The following COL19A1 variants were observed in gnomAD, a reference collection of about 807,000 sequenced individuals.
COL19A1 encodes collagen type XIX alpha 1 chain, also known as collagen alpha-1(XIX) chain.
COL19A1 carries 159 observed loss-of-function variants against 190.2 expected under a neutral mutation model. That is an observed-to-expected ratio of 0.84 (90% CI 0.73 to 0.95). The LOEUF is 0.95. Among genes scored for constraint, COL19A1 ranks in the 40% least tolerant of loss-of-function variants. The pLI is 0.00. For missense variants in COL19A1, 1,418 were observed against 1,431.9 expected (o/e 0.99, Z 0.16); for synonymous variants, 509 against 458.9 (o/e 1.11, Z -1.39).
At chr6:70,156,447 A>T in intron 33 of COL19A1, 78 bp downstream of exon 33, 3 of 1,327,896 alleles carry the variant, frequency 2.3e-6, no homozygotes, top group Non-Finnish European at 3.2e-6. Context: ...TTGAAAATAG[A>T]CAACTTTTAA....
intron 1 of COL19A1, among the ~76,000 whole-genome samples, chr6:69,868,012 A>G (rs1767583868): frequency 6.6e-6 from 1 of 151,532 alleles, no homozygotes; most frequent in South Asian, 2.1e-4. Context: ...AAGTCTGAGG[A>G]GGATTAAGAT....
At chr6:70,102,779 A>C (rs1783716765) in intron 16 of COL19A1, among the ~76,000 whole-genome samples, 1 of 152,040 alleles carries the variant, frequency 6.6e-6, no homozygotes, top group African/African-American at 2.4e-5. Flanking sequence ...AGCCTATGAG[A>C]GTCTGGTTTG....
intron 18 of COL19A1, among the ~76,000 whole-genome samples, chr6:70,132,246 A>G (rs1382408136): frequency 1.3e-5 from 2 of 152,104 alleles, no homozygotes; most frequent in Non-Finnish European, 2.9e-5. Context: ...AAAATTAAAA[A>G]TATTAGCTGG....
intron 4 of COL19A1, among the ~76,000 whole-genome samples, chr6:69,917,822 A>G (rs1771409755): frequency 6.6e-6 from 1 of 151,376 alleles, no homozygotes; most frequent in Non-Finnish European, 1.5e-5. Context: ...ATAGCTGATG[A>G]GCTAAAAAAA....
At chr6:70,127,673 G>GGCA (rs1293765449) in intron 17 of COL19A1, among the ~76,000 whole-genome samples, 14 of 152,294 alleles carry the variant, frequency 9.2e-5, no homozygotes, top group African/African-American at 3.1e-4. Flanking sequence ...GAAGGTGAAA[G>GGCA]GCACGTCTAA....
chr6:69,921,388 T>TATATATCATATATCATATATATC lies in COL19A1; in HGVS notation c.267-6507_267-6485dup, dbSNP rs1231553665. Among the ~76,000 whole-genome samples the TATATATCATATATCATATATATC allele has an allele frequency of 5.1e-4, 58 of 112,668 alleles. 4 individuals are homozygous for TATATATCATATATCATATATATC. In the South Asian group the frequency reaches 0.016, roughly 30 times the overall value. 73.9% of individuals were successfully genotyped at this position (112,668 alleles called of 152,430 possible). Reference sequence around the variant, plus strand: ...TATATCATATATATCATATATATCATATATATCATATATCATATATATCAT... The same window carrying TATATATCATATATCATATATATC: ...TATATCATATATATCATATATATCATATATATCATATATCATATATATCATATATCATATATCATATATATCAT... On this transcript the variant is annotated intron_variant, in intron 4 of 50. Coordinates refer to ENST00000620364, the MANE Select transcript of COL19A1 (RefSeq NM_001858.6).
At position 70,185,461 on chromosome 6, in the gene COL19A1, A is replaced by G. The variant is rs1279765057; in HGVS notation, c.2856+546A>G. On this transcript the variant is annotated intron_variant, in intron 46 of 50. Coordinates refer to ENST00000620364, the MANE Select transcript of COL19A1 (RefSeq NM_001858.6). ...GAACTACTGACATGCAGAAAAACTA[A>G]GTAGAGTAAAGAAGGTGGTGTGAGG... Among the ~76,000 whole-genome samples, 6 of 152,208 alleles carry G rather than the reference A, an allele frequency of 3.9e-5. 1 individual carries two copies. Among genetic ancestry groups the G allele is most frequent in the Admixed American group, 3.9e-4 (6 of 15,288 alleles).
intron 14 of COL19A1, among the ~76,000 whole-genome samples, chr6:70,042,459 T>A (rs1009015325): frequency 5.3e-5 from 8 of 152,236 alleles, no homozygotes; most frequent in African/African-American, 1.9e-4. Flanking sequence ...AATACTTTAT[T>A]GCTAAAAAAT....
chr6:70,144,354 T>C, intron 24 of COL19A1, 91 bp downstream of exon 24: 1 of 1,124,794 alleles, frequency 8.9e-7, no homozygotes, highest in Non-Finnish European at 1.3e-6. Flanking sequence ...AGCCCAGGGC[T>C]TCTGGGATTG....
chr6:69,883,098 G>A (rs530995356), intron 2 of COL19A1, among the ~76,000 whole-genome samples: 2 of 152,202 alleles, frequency 1.3e-5, no homozygotes, highest in African/African-American at 2.4e-5. Context: ...GGCAAGGCAC[G>A]TGAACACCTG....
intron 4 of COL19A1, among the ~76,000 whole-genome samples, chr6:69,906,264 C>A (rs1335396344): frequency 6.6e-6 from 1 of 152,138 alleles, no homozygotes; most frequent in Admixed American, 6.5e-5. Flanking sequence ...GAGCAACACA[C>A]TCAGCTTGAC....
chr6:69,976,597 T>G (rs969302572), intron 11 of COL19A1, among the ~76,000 whole-genome samples: 3 of 152,128 alleles, frequency 2.0e-5, no homozygotes, highest in Non-Finnish European at 4.4e-5. Context: ...ATTAAGATTC[T>G]TTAGTGAGTC....
chr6:70,005,478 A>G (rs117763802), intron 11 of COL19A1, among the ~76,000 whole-genome samples: 15,748 of 151,994 alleles, frequency 0.1, 939 homozygotes, highest in East Asian at 0.27. Context: ...TTGCTCCCAC[A>G]CCTGGAGATG....
At chr6:70,075,728 C>A (rs965005418) in intron 15 of COL19A1, among the ~76,000 whole-genome samples, 7 of 151,806 alleles carry the variant, frequency 4.6e-5, no homozygotes, top group African/African-American at 1.7e-4. Flanking sequence ...GTGGTCTCTG[C>A]AGTGCACTTG....
At chr6:70,146,786 A>G in intron 26 of COL19A1, 26 bp from the exon 27 acceptor site, 2 of 1,591,502 alleles carry the variant, frequency 1.3e-6, no homozygotes, top group Non-Finnish European at 1.7e-6. Context: ...TGAGCCTTGC[A>G]GTAACAGAAG....
chr6:70,081,087 T>C (rs1782219258), intron 15 of COL19A1, among the ~76,000 whole-genome samples: 1 of 152,198 alleles, frequency 6.6e-6, no homozygotes, highest in African/African-American at 2.4e-5. Context: ...TTTGTCAAAA[T>C]TGCATGACCT....
At chr6:70,188,316 A>G (rs1766655279) in intron 47 of COL19A1, 71 bp downstream of exon 47, 2 of 1,474,944 alleles carry the variant, frequency 1.4e-6, no homozygotes, top group African/African-American at 1.4e-5. Context: ...AATGAAAGCA[A>G]TGATACTGCC....
At chr6:69,975,175 A>C (rs1484708114) in intron 11 of COL19A1, among the ~76,000 whole-genome samples, 1 of 152,200 alleles carries the variant, frequency 6.6e-6, no homozygotes, top group Non-Finnish European at 1.5e-5. Context: ...TTTTCATGTA[A>C]GTATCTCAGT....
At chr6:70,164,318 C>T (rs1360942434) in intron 36 of COL19A1, among the ~76,000 whole-genome samples, 2 of 152,070 alleles carry the variant, frequency 1.3e-5, no homozygotes, top group African/African-American at 4.8e-5. Flanking sequence ...GCAGATCCAG[C>T]AAGTAAGTGG....
Sources: allele counts gnomAD v4.1 joint callset (sites outside exome capture counted in the v4.1 genomes callset), GRCh38; gene constraint gnomAD v4.1.1; transcripts MANE v1.5; gene names NCBI Gene and HGNC (gene_info 2026-07-23, HGNC 2026-07-21).